The following NLRP8 variants were observed in gnomAD, a reference collection of about 807,000 sequenced individuals.
NLRP8 encodes NACHT, LRR and PYD domains-containing protein 8.
In NLRP8, 86 loss-of-function variants were observed where a neutral mutation model predicts 88.7. The observed-to-expected ratio is 0.97, with a 90% CI of 0.81 to 1.16. The LOEUF is 1.16. Ranked by LOEUF, NLRP8 falls within the 50% of genes most tolerant of loss-of-function variation. NLRP8 has a pLI of 0.00. For synonymous variants in NLRP8, 504 were observed against 494.6 expected (o/e 1.02, Z -0.25); for missense variants, 1,342 against 1,286.5 (o/e 1.04, Z -0.66).
At chr19:55,976,023 C>T (rs1317368266) in intron 7 of NLRP8, 110 bp from the exon 8 acceptor site, 1 of 1,098,652 alleles carries the variant, frequency 9.1e-7, no homozygotes, top group Non-Finnish European at 1.3e-6. Flanking sequence ...CAAATAAAAA[C>T]AGAACCCAAA....
intron 5 of NLRP8, among the ~76,000 whole-genome samples, chr19:55,969,569 A>T (rs954468999): frequency 1.3e-5 from 2 of 152,216 alleles, no homozygotes; most frequent in Non-Finnish European, 2.9e-5. Flanking sequence ...ATAAACATGC[A>T]TGTGAAAGTG....
Position 55,973,650 on chromosome 19 carries a change from A to G in NLRP8, c.2535-2A>G, listed in dbSNP as rs766236801. 4.4e-6 allele frequency: 7 copies of G among 1,599,298 alleles called. No individual in the cohort carries two copies. The African/African-American group carries it at 8.0e-5, about 18-fold the overall frequency. ...AGTCATCTGTGTGCTTCTCTCCCAT[A>G]GGATAGAGAACTGCAACCTTACACA... On this transcript the variant is annotated splice_acceptor_variant, in intron 6 of 9. Coordinates refer to ENST00000291971, the MANE Select transcript of NLRP8 (RefSeq NM_176811.2). LOFTEE classifies it high-confidence loss of function.
intron 9 of NLRP8, among the ~76,000 whole-genome samples, chr19:55,983,007 C>A (rs1980637659): frequency 6.6e-6 from 1 of 151,984 alleles, no homozygotes; most frequent in South Asian, 2.1e-4. Context: ...TGAATGAGTT[C>A]CCACCGGCCA....
At chr19:55,966,497 G>C (rs568012025) in intron 5 of NLRP8, 117 bp downstream of exon 5, 2 of 1,025,168 alleles carry the variant, frequency 2.0e-6, no homozygotes, top group Admixed American at 2.6e-5. Flanking sequence ...TGTTGGCTTT[G>C]TTCAACTTTA....
rs576377066 is a variant in NLRP8, at chr19:55,951,962, A to G, written c.368-576A>G. Reference sequence around the variant, plus strand: ...AGTTGAGGTCTTGCTATGTTGCCCAAGCTGGTCTCGAACTCCTTGGCTCAA... The same window carrying G: ...AGTTGAGGTCTTGCTATGTTGCCCAGGCTGGTCTCGAACTCCTTGGCTCAA... On this transcript the variant is annotated intron_variant, in intron 1 of 9. Transcript: ENST00000291971. 2.0e-5 allele frequency among the ~76,000 whole-genome samples: 3 copies of G among 151,978 alleles called. No homozygotes were observed. In the East Asian group the frequency reaches 5.8e-4, roughly 29 times the overall value.
chr19:55,965,048 G>T (rs1979778280), intron 4 of NLRP8, among the ~76,000 whole-genome samples: 1 of 152,118 alleles, frequency 6.6e-6, no homozygotes, highest in African/African-American at 2.4e-5. Context: ...CACTTTGGGA[G>T]GCTGAGCCAG....
intron 3 of NLRP8, among the ~76,000 whole-genome samples, chr19:55,961,632 T>G (rs1979615202): frequency 7.1e-6 from 1 of 141,718 alleles, no homozygotes; most frequent in Non-Finnish European, 1.5e-5. Flanking sequence ...AGAATCCCTG[T>G]TTCTACAAAA....
At chr19:55,948,466 G>A (rs1041415374) in intron 1 of NLRP8, among the ~76,000 whole-genome samples, 197 bp downstream of exon 1, 2 of 152,012 alleles carry the variant, frequency 1.3e-5, no homozygotes, top group Non-Finnish European at 2.9e-5. Context: ...ATGGGGTTTC[G>A]CTCTTCTTGC....
chr19:55,984,606 A>T (rs1372832742), intron 9 of NLRP8, among the ~76,000 whole-genome samples: 1 of 146,834 alleles, frequency 6.8e-6, no homozygotes, highest in East Asian at 2.1e-4. Context: ...TTGAGCCGAG[A>T]TCGCGCCATT....
intron 5 of NLRP8, among the ~76,000 whole-genome samples, chr19:55,968,347 G>A (rs1979933345): frequency 1.3e-5 from 2 of 152,142 alleles, no homozygotes; most frequent in Admixed American, 1.3e-4. Flanking sequence ...GCCGAGGCAG[G>A]AGAATTGCTT....
At chr19:55,978,617 A>C (rs1377499247) in intron 8 of NLRP8, among the ~76,000 whole-genome samples, 1 of 152,080 alleles carries the variant, frequency 6.6e-6, no homozygotes, top group East Asian at 1.9e-4. Flanking sequence ...ATAATCCATG[A>C]ATTTTACTCT....
intron 1 of NLRP8, among the ~76,000 whole-genome samples, chr19:55,951,451 A>C (rs1323698431): frequency 1.3e-5 from 2 of 152,252 alleles, no homozygotes; most frequent in African/African-American, 4.8e-5. Context: ...ACTACCACAC[A>C]TAACAAGAAT....
At position 55,952,983 on chromosome 19, in the gene NLRP8, C is replaced by T. The variant is rs180712458; in HGVS notation, c.442+371C>T. ...CATTGGCTCAGCGGTCCCCAACCCC[C>T]GGGCCATGGACTAGTACCAGTCTGT... is the stretch of plus-strand genomic sequence containing the variant. On this transcript the variant is annotated intron_variant, in intron 2 of 9. Transcript: ENST00000291971. Among the ~76,000 whole-genome samples the T allele has an allele frequency of 2.7e-3, 416 of 152,220 alleles. 3 individuals are homozygous for T. The highest frequency in any genetic ancestry group is 2.5e-3 in the Non-Finnish European group (169 of 67,996).
intron 3 of NLRP8, among the ~76,000 whole-genome samples, chr19:55,958,910 A>G (rs1979492391): frequency 6.6e-6 from 1 of 151,528 alleles, no homozygotes; most frequent in Non-Finnish European, 1.5e-5. Context: ...ACGGAGTCTC[A>G]TTCTGTCGCC....
At position 55,988,458 on chromosome 19, in the gene NLRP8, A is replaced by ATATATATATATATGTG. The variant is rs1464429760; in HGVS notation, c.*556_*557insATGTGTATATATATAT. 1 of 145,420 alleles carries ATATATATATATATGTG rather than the reference A, an allele frequency of 6.9e-6. No individual in the cohort carries two copies. Among genetic ancestry groups the ATATATATATATATGTG allele is most frequent in the Non-Finnish European group, 1.5e-5 (1 of 66,556 alleles). The allele number at this position is 145,420 out of a possible 1,614,324, so 9.0% of individuals were successfully genotyped here. ...TATGTGTGTGTGTATATATATATAT[A>ATATATATATATATGTG]TATATATATATGCTATATAAAGTTT... On this transcript the variant is annotated 3_prime_UTR_variant, in exon 10 of 10. Coordinates refer to ENST00000291971, the MANE Select transcript of NLRP8 (RefSeq NM_176811.2).
In NLRP8 at chr19:55,962,193, C is replaced by G. The variant is rs111772035; in HGVS notation, c.2169C>G (p.Leu723=). The change falls in exon 4 of 10, where the codon CTC becomes CTG. Residue 723 remains leucine (L), a synonymous_variant. Coordinates refer to ENST00000291971, the MANE Select transcript of NLRP8 (RefSeq NM_176811.2). ...TGGGGCCTCCTTTTTTGAAGGCTCT[C>G]GCGGCCGCACTGAGGCACCCTCAGT... 1.2e-6 allele frequency: 2 copies of G among 1,613,996 alleles called. No individual in the cohort carries two copies. The highest frequency in any genetic ancestry group is 1.7e-6 in the Non-Finnish European group (2 of 1,180,028).
Position 55,948,204 on chromosome 19 carries a change from C to T in NLRP8, c.302C>T (p.Thr101Ile), listed in dbSNP as rs1011214202. ...CCTGGACGACGCGCTTGGGATGTGA[C>T]TTCGAACATCTTTGCCATTATGAAC... The change falls in exon 1 of 10, where the codon ACT (threonine) becomes ATT (isoleucine). Residue 101 changes from threonine to isoleucine, a missense_variant. Coordinates refer to ENST00000291971, the MANE Select transcript of NLRP8 (RefSeq NM_176811.2). 1 of 1,614,134 alleles carries T rather than the reference C, an allele frequency of 6.2e-7. No individual in the cohort carries two copies. The highest frequency in any genetic ancestry group is 1.1e-5 in the South Asian group (1 of 91,084).
chr19:55,956,391 A>G (rs1979358327), intron 3 of NLRP8, among the ~76,000 whole-genome samples: 1 of 151,940 alleles, frequency 6.6e-6, no homozygotes, highest in African/African-American at 2.4e-5. Context: ...TTACAAACGC[A>G]TGCCACTGCA....
At position 55,961,671 on chromosome 19, in the gene NLRP8, G is replaced by A. The variant is rs568247409; in HGVS notation, c.2043-396G>A. Among the ~76,000 whole-genome samples, 43 of 152,236 alleles carry A rather than the reference G, an allele frequency of 2.8e-4. 1 individual carries two copies. Among genetic ancestry groups the A allele is most frequent in the African/African-American group, 9.6e-4 (40 of 41,548 alleles). On this transcript the variant is annotated intron_variant, in intron 3 of 9. Coordinates refer to ENST00000291971, the MANE Select transcript of NLRP8 (RefSeq NM_176811.2). ...ACAAAAATCAGTCAGGTGTGGTGGC[G>A]TGTGCCTGTAACCCCAGCTCCTCAG...
Sources: gnomAD v4.1 joint callset for allele counts (sites outside exome capture counted in the v4.1 genomes callset) on GRCh38, gnomAD v4.1.1 for gene constraint, MANE v1.5 for transcripts, NCBI Gene and HGNC (gene_info 2026-07-23, HGNC 2026-07-21) for gene names.